The following ZNF83 variants were observed in gnomAD, a reference collection of about 807,000 sequenced individuals.
The protein encoded by ZNF83 is zinc finger protein 83.
For missense variants in ZNF83, 552 were observed against 629.9 expected (o/e 0.88, Z 1.32); for synonymous variants, 209 against 213.0 (o/e 0.98, Z 0.17).
upstream of ZNF83, among the ~76,000 whole-genome samples, chr19:52,639,848 A>G (rs1440379104): frequency 6.6e-6 from 1 of 152,228 alleles, no homozygotes; most frequent in African/African-American, 2.4e-5. Flanking sequence ...CATTATTAAT[A>G]AGTAAGCCTT....
chr19:52,621,588 ACT>A (rs905397413), intron 2 of ZNF83, among the ~76,000 whole-genome samples: 6 of 131,796 alleles, frequency 4.6e-5, no homozygotes, highest in African/African-American at 1.1e-4. Context: ...GTACCACCCC[ACT>A]CTCTCTGTGT....
chr19:52,686,438 A>G (rs2062015966), intron 1 of ZNF83, among the ~76,000 whole-genome samples: 1 of 147,002 alleles, frequency 6.8e-6, no homozygotes, highest in African/African-American at 2.5e-5. Flanking sequence ...TTTTTCTCAA[A>G]CTCCAACTGC....
chr19:52,614,096 C>T (rs2060217526), exon 3 of ZNF83: 1 of 1,613,700 alleles, frequency 6.2e-7, no homozygotes, highest in Non-Finnish European at 8.5e-7. Flanking sequence ...TTATGGAAGA[C>T]CTTGCCACAT....
chr19:52,676,045 C>G (rs532186642), intron 1 of ZNF83, among the ~76,000 whole-genome samples: 10 of 152,232 alleles, frequency 6.6e-5, no homozygotes, highest in African/African-American at 2.2e-4. Context: ...AGCTCTCGCT[C>G]TCCCTCTCCC....
At chr19:52,638,047 G>C (rs554596238) in intron 1 of ZNF83, among the ~76,000 whole-genome samples, 258 of 152,238 alleles carry the variant, frequency 1.7e-3, no homozygotes, top group Non-Finnish European at 2.8e-3. Flanking sequence ...GGGGCGGGAG[G>C]AGTCAGAAAA....
intron 1 of ZNF83, among the ~76,000 whole-genome samples, chr19:52,672,376 T>C (rs1416130226): frequency 6.6e-6 from 1 of 152,232 alleles, no homozygotes; most frequent in Non-Finnish European, 1.5e-5. Flanking sequence ...AATTCATCTA[T>C]CAAACACTAG....
intron 2 of ZNF83, among the ~76,000 whole-genome samples, chr19:52,624,468 C>G (rs2060661768): frequency 6.6e-6 from 1 of 152,192 alleles, no homozygotes; most frequent in African/African-American, 2.4e-5. Context: ...GGACACCTGG[C>G]TTTGCTGTCC....
At chr19:52,624,660 C>T (rs370380907) in intron 2 of ZNF83, among the ~76,000 whole-genome samples, 3 of 152,254 alleles carry the variant, frequency 2.0e-5, no homozygotes, top group South Asian at 4.2e-4. Flanking sequence ...GTTGTGCAGT[C>T]GGAATTCTTA....
At chr19:52,649,520 G>C (rs186997448) in intron 3 of ZNF83, among the ~76,000 whole-genome samples, 2 of 152,024 alleles carry the variant, frequency 1.3e-5, no homozygotes, top group Admixed American at 6.6e-5. Flanking sequence ...ATGGGATAAC[G>C]ACACAGTCCA....
At chr19:52,665,280 G>A (rs2061634564) in intron 1 of ZNF83, among the ~76,000 whole-genome samples, 1 of 152,108 alleles carries the variant, frequency 6.6e-6, no homozygotes, top group Non-Finnish European at 1.5e-5. Flanking sequence ...TGTGGGTGGG[G>A]TGGTGGGAGC....
chr19:52,628,459 T>G (rs936566749), intron 2 of ZNF83, among the ~76,000 whole-genome samples: 26 of 152,130 alleles, frequency 1.7e-4, no homozygotes, highest in Non-Finnish European at 4.4e-5. Context: ...ATTCCTTTCA[T>G]TTTCTGGTAG....
intron 1 of ZNF83, among the ~76,000 whole-genome samples, chr19:52,677,898 G>T (rs1238801111): frequency 6.6e-6 from 1 of 151,912 alleles, no homozygotes; most frequent in African/African-American, 2.4e-5. Context: ...AGCTGGGCAT[G>T]GTGGCACGTG....
In ZNF83 at chr19:52,690,195, A is replaced by C. The variant is rs397840441; in HGVS notation, c.-283+248T>G. On this transcript the variant is annotated intron_variant, in intron 1 of 5. Coordinates refer to the ZNF83 transcript ENST00000594682. ...AAATGATTTTGAGAAAAAAAAAAAA[A>C]AAACAACAACAACTACGCGATAGGA... 2.6e-5 allele frequency among the ~76,000 whole-genome samples: 4 copies of C among 151,328 alleles called. No homozygotes were observed. The East Asian group carries it at 7.8e-4, about 29-fold the overall frequency.
At chr19:52,652,721 A>C in intron 3 of ZNF83, 1 of 690,114 alleles carries the variant, frequency 1.4e-6, no homozygotes, top group South Asian at 1.5e-5. Flanking sequence ...GAATCATTAC[A>C]TTTGTAAAGT....
At chr19:52,639,417 T>TTTTTTTC (rs1555786093), upstream of ZNF83, among the ~76,000 whole-genome samples, 3 of 99,316 alleles carry the variant, frequency 3.0e-5, no homozygotes, top group African/African-American at 8.1e-5. Context: ...TTTTTTCTAT[T>TTTTTTTC]TTTTTTTTTT....
intron 1 of ZNF83, among the ~76,000 whole-genome samples, chr19:52,679,439 C>T (rs963825490): frequency 2.0e-5 from 3 of 151,952 alleles, no homozygotes; most frequent in African/African-American, 7.3e-5. Context: ...GATGAAACTC[C>T]GACTCTACTA....
chr19:52,635,181 G>T, intron 1 of ZNF83, 28 bp from the exon 2 acceptor site: 1 of 601,692 alleles, frequency 1.7e-6, no homozygotes, highest in Non-Finnish European at 3.0e-6. Context: ...GTTGTTTATT[G>T]CTCAGAATCA....
chr19:52,681,433 G>C (rs570637242), intron 1 of ZNF83, among the ~76,000 whole-genome samples: 2 of 152,180 alleles, frequency 1.3e-5, no homozygotes, highest in South Asian at 4.1e-4. Context: ...GAAAAGAAAA[G>C]AGAGTAAAGT....
chr19:52,655,003 T>C (rs2061487731), intron 3 of ZNF83: 2 of 152,670 alleles, frequency 1.3e-5, no homozygotes, highest in Admixed American at 1.3e-4. Context: ...CTGGCCAACA[T>C]GGTGATTCCC....
Sources: gnomAD v4.1 joint callset for allele counts (sites outside exome capture counted in the v4.1 genomes callset) on GRCh38, gnomAD v4.1.1 for gene constraint, MANE v1.5 for transcripts, NCBI Gene and HGNC (gene_info 2026-07-23, HGNC 2026-07-21) for gene names.